Variants in PCDHGA8 observed in about 807,000 individuals in gnomAD.
PCDHGA8 encodes the protein protocadherin gamma subfamily A, 8.
Under a neutral mutation model 59.2 loss-of-function variants are expected in PCDHGA8, and 45 were observed. The ratio of observed to expected loss-of-function variants is 0.76; its 90% CI spans 0.60 to 0.98. The LOEUF (loss-of-function observed/expected upper bound fraction) is 0.98. Among genes scored for constraint, PCDHGA8 ranks in the 50% least tolerant of loss-of-function variants. PCDHGA8 has a pLI of 0.00. For missense variants in PCDHGA8, 1,257 were observed against 1,196.2 expected (o/e 1.05, Z -0.75); for synonymous variants, 531 against 519.0 (o/e 1.02, Z -0.32).
chr5:141,496,440 A>G (rs2099768848), intron 2 of PCDHGA8, among the ~76,000 whole-genome samples: 1 of 152,158 alleles, frequency 6.6e-6, no homozygotes, highest in South Asian at 2.1e-4. Flanking sequence ...AAGTTGCTAC[A>G]GATGCTGAGC....
At chr5:141,403,770 T>A in intron 1 of PCDHGA8, 1 of 1,613,894 alleles carries the variant, frequency 6.2e-7, no homozygotes, top group Non-Finnish European at 8.5e-7. Flanking sequence ...GATGAGGGAA[T>A]CAACGGAAAA....
chr5:141,405,529 C>G, intron 1 of PCDHGA8: 1 of 654,350 alleles, frequency 1.5e-6, no homozygotes, highest in Middle Eastern at 4.2e-4. Flanking sequence ...AAGCGATTCT[C>G]CTGCCTCAGC....
At position 141,486,493 on chromosome 5, in the gene PCDHGA8, T is replaced by C. The variant is rs761905572; in HGVS notation, c.2425-8314T>C. The C allele has an allele frequency of 1.2e-6, 2 of 1,614,136 alleles. No homozygotes were observed. The highest frequency in any genetic ancestry group is 1.7e-6 in the Non-Finnish European group (2 of 1,179,960). Reference sequence around the variant, plus strand: ...ACCCTCCTCTCAGTACCCACAGAACTATTTTCCTCAATATTTCAGATGTGA... The same window carrying C: ...ACCCTCCTCTCAGTACCCACAGAACCATTTTCCTCAATATTTCAGATGTGA... On this transcript the variant is annotated intron_variant, in intron 1 of 3. Transcript: ENST00000398604. The surrounding 1 kb of genome is among the most constrained non-coding windows in gnomAD (Gnocchi z 5.0).
rs368800698 is a variant in PCDHGA8, at chr5:141,405,118, G to A, written c.2424+9881G>A. The A allele has an allele frequency of 1.1e-5, 18 of 1,613,946 alleles. No homozygotes were observed. The East Asian group carries it at 1.8e-4, about 16-fold the overall frequency. ...TCAGGCTGAGGCACTGGCACTCCTCGCATCTGCTGCGGGCTACCAGTGATG... is the reference window on the plus strand; with the variant it reads ...TCAGGCTGAGGCACTGGCACTCCTCACATCTGCTGCGGGCTACCAGTGATG... On this transcript the variant is annotated intron_variant, in intron 1 of 3. Transcript: ENST00000398604.
intron 1 of PCDHGA8, chr5:141,395,745 T>C (rs2093305954): frequency 6.5e-6 from 1 of 153,196 alleles, no homozygotes; most frequent in African/African-American, 2.4e-5. Context: ...AAACCTCTTT[T>C]CTGAGCCCTG....
At position 141,394,321 on chromosome 5, in the gene PCDHGA8, C is replaced by G. The variant is rs11575959; in HGVS notation, c.1508C>G (p.Ser503Trp). The G allele has an allele frequency of 0.027, 43,282 of 1,613,954 alleles. 850 individuals carry two copies. The highest frequency in any genetic ancestry group is 0.092 in the African/African-American group (6,917 of 75,008). Residue 503 changes from serine (S) to tryptophan (W), a missense_variant, in exon 1 of 4, where the codon TCG becomes TGG. Physicochemically the swap from Ser to Trp is radical, Grantham distance 177 (BLOSUM62 -3). Coordinates refer to ENST00000398604, the MANE Select transcript of PCDHGA8 (RefSeq NM_032088.2). ...EDTLQGAPLS[S>W]YISINSDTGV... ...ACGCTGCAGGGGGCGCCCCTGTCCT[C>G]GTATATCTCCATCAACTCTGACACC...
chr5:141,433,291 T>A, intron 1 of PCDHGA8: 1 of 1,094,048 alleles, frequency 9.1e-7, no homozygotes, highest in Non-Finnish European at 1.3e-6. Flanking sequence ...ACTCCTAGGC[T>A]CAAGCAATTA....
At chr5:141,400,181 A>G (rs1188334062) in intron 1 of PCDHGA8, 14 of 1,614,034 alleles carry the variant, frequency 8.7e-6, no homozygotes, top group Non-Finnish European at 1.1e-5. Flanking sequence ...GCTGAGCTGC[A>G]GTTTTACCTA....
rs1453835891 is a variant in PCDHGA8 at position 141,477,494 on chromosome 5, T to G, written c.2425-17313T>G. On this transcript the variant is annotated intron_variant, in intron 1 of 3. Coordinates refer to ENST00000398604, the MANE Select transcript of PCDHGA8 (RefSeq NM_032088.2). The surrounding 1 kb of genome is among the most constrained non-coding windows in gnomAD (Gnocchi z 4.9). ...TGACAACCCTCCACAATCTTCTCAA[T>G]CTTCCTACGACGTTTACATTGAAGA... 1 of 1,614,088 alleles carries G rather than the reference T, an allele frequency of 6.2e-7. No individual in the cohort carries two copies.
intron 1 of PCDHGA8, among the ~76,000 whole-genome samples, chr5:141,451,090 A>G (rs2098706546): frequency 6.6e-6 from 1 of 151,864 alleles, no homozygotes; most frequent in Non-Finnish European, 1.5e-5. Context: ...GACCTCCCAA[A>G]GTGTTGGGAT....
At chr5:141,413,841 T>C (rs1481867404) in intron 1 of PCDHGA8, 1 of 1,613,060 alleles carries the variant, frequency 6.2e-7, no homozygotes, top group Admixed American at 1.7e-5. Context: ...CCGACGGGGG[T>C]GACCCTCTCC....
At chr5:141,483,988 G>A (rs78891657) in intron 1 of PCDHGA8, among the ~76,000 whole-genome samples, 1,520 of 149,036 alleles carry the variant, frequency 0.01, 30 homozygotes, top group African/African-American at 0.037. Flanking sequence ...TAGCTAGGTT[G>A]CTGGGAGGTC....
intron 1 of PCDHGA8, chr5:141,417,739 C>T: frequency 6.4e-6 from 9 of 1,411,706 alleles, no homozygotes; most frequent in Non-Finnish European, 5.6e-6. Flanking sequence ...GCCCAGCACA[C>T]CAGATTGCCA....
intron 1 of PCDHGA8, chr5:141,441,801 G>A (rs954094882): frequency 7.8e-6 from 3 of 384,492 alleles, no homozygotes; most frequent in African/African-American, 4.4e-5. Flanking sequence ...CGCACCGCGG[G>A]TGCTGTACCC....
chr5:141,491,723 G>C lies in PCDHGA8; in HGVS notation c.2425-3084G>C. The C allele has an allele frequency of 1.2e-6, 2 of 1,606,770 alleles. No homozygotes were observed. The highest frequency in any genetic ancestry group is 1.7e-6 in the Non-Finnish European group (2 of 1,177,028). On this transcript the variant is annotated intron_variant, in intron 1 of 3. Transcript: ENST00000398604. The surrounding 1 kb of genome is among the most constrained non-coding windows in gnomAD (Gnocchi z 6.9). The stretch of plus-strand genomic sequence containing the variant: ...CAGGTGAGGGGCTCGGCGCCGCCCC[G>C]GGCGACCCCTGGGGGCGGCACTGGA...
At chr5:141,458,645 C>T (rs1162232847) in intron 1 of PCDHGA8, among the ~76,000 whole-genome samples, 2 of 152,170 alleles carry the variant, frequency 1.3e-5, no homozygotes, top group Non-Finnish European at 2.9e-5. Flanking sequence ...TCCCAGCTCA[C>T]TGCAACCTCC....
rs1028054307 is a variant in PCDHGA8 at position 141,417,708 on chromosome 5, G to A, written c.2424+22471G>A. The A allele has an allele frequency of 2.4e-5, 29 of 1,227,762 alleles. No homozygotes were observed. In the South Asian group the frequency reaches 2.9e-4, roughly 12 times the overall value. 76.1% of individuals were successfully genotyped at this position (1,227,762 alleles called of 1,614,324 possible). On this transcript the variant is annotated intron_variant, in intron 1 of 3. Transcript: ENST00000398604. ...AAAGAAAACCAGCTCCCACACAGAG[G>A]CTCCCGGCTGCGCAGACCTTGCCCA... is the stretch of plus-strand genomic sequence containing the variant.
chr5:141,404,804 T>A, intron 1 of PCDHGA8: 1 of 1,613,898 alleles, frequency 6.2e-7, no homozygotes, highest in South Asian at 1.1e-5. Context: ...AGGGCTCTTC[T>A]CGGTGGGGCT....
At chr5:141,506,306 G>A (rs539365378) in intron 3 of PCDHGA8, among the ~76,000 whole-genome samples, 4 of 152,040 alleles carry the variant, frequency 2.6e-5, no homozygotes, top group Non-Finnish European at 5.9e-5. Flanking sequence ...AAAATTAGCT[G>A]GGCATGGTGG....
Sources: gnomAD v4.1 joint callset for allele counts (sites outside exome capture counted in the v4.1 genomes callset) on GRCh38, gnomAD v4.1.1 for gene constraint, Gnocchi (gnomAD v3.1) non-coding constraint, MANE v1.5 for transcripts, NCBI Gene and HGNC (gene_info 2026-07-23, HGNC 2026-07-21) for gene names.